The following RBM20 variants were observed in gnomAD, a reference collection of about 807,000 sequenced individuals.
RBM20 encodes RNA binding motif protein 20.
A neutral mutation model predicts 110.1 loss-of-function variants in RBM20; 51 were observed. That is an observed-to-expected ratio of 0.46 (90% CI 0.37 to 0.59). The LOEUF (loss-of-function observed/expected upper bound fraction) is 0.59, where lower values mean the gene tolerates loss of function less well. RBM20 is among the 20% of genes least tolerant of loss of function. The pLI is 0.00. For missense variants in RBM20, 1,512 were observed against 1,574.9 expected, an observed-to-expected ratio of 0.96 and a Z score of 0.68; for synonymous variants, 589 against 618.2, an observed-to-expected ratio of 0.95 and a Z score of 0.70.
intron 7 of RBM20, among the ~76,000 whole-genome samples, chr10:110,800,159 G>A (rs1026531324): frequency 1.3e-5 from 2 of 152,192 alleles, no homozygotes; most frequent in African/African-American, 4.8e-5. Flanking sequence ...AAGTTTTCCA[G>A]AAGAAGATGT....
In RBM20 at chr10:110,665,218, G is replaced by A. The variant is rs183887830; in HGVS notation, c.191+20573G>A. On this transcript the variant is annotated intron_variant, in intron 1 of 13. Transcript: ENST00000369519. ...GAATGCCGTCTAATAAATACAGAAG[G>A]AATGAATATTAGCATTTTGCAACCC... is the stretch of plus-strand genomic sequence containing the variant. Among the ~76,000 whole-genome samples, 5 of 152,268 alleles carry A rather than the reference G, an allele frequency of 3.3e-5. No homozygotes were observed. The East Asian group carries it at 9.6e-4, about 29-fold the overall frequency.
chr10:110,649,673 G>A (rs1861919178), intron 1 of RBM20, among the ~76,000 whole-genome samples: 1 of 152,174 alleles, frequency 6.6e-6, no homozygotes, highest in South Asian at 2.1e-4. Flanking sequence ...TATTTTAACA[G>A]GGAAAATTGC....
At chr10:110,797,055 C>T (rs934030845) in intron 5 of RBM20, among the ~76,000 whole-genome samples, 3 of 152,170 alleles carry the variant, frequency 2.0e-5, no homozygotes, top group African/African-American at 4.8e-5. Flanking sequence ...CAAAAGTTTA[C>T]AGATACTCAA....
At chr10:110,830,542 A>G (rs1319948568) in intron 12 of RBM20, among the ~76,000 whole-genome samples, 1 of 152,196 alleles carries the variant, frequency 6.6e-6, no homozygotes, top group African/African-American at 2.4e-5. Flanking sequence ...TATGTGGAAG[A>G]AAATATTTGG....
intron 1 of RBM20, among the ~76,000 whole-genome samples, chr10:110,723,616 T>C (rs921205229): frequency 3.9e-5 from 6 of 152,248 alleles, no homozygotes; most frequent in African/African-American, 1.4e-4. Flanking sequence ...TTTCAGCCAT[T>C]CTAGTGGATA....
intron 7 of RBM20, among the ~76,000 whole-genome samples, chr10:110,807,531 A>G (rs1844710141): frequency 1.3e-5 from 2 of 152,184 alleles, no homozygotes; most frequent in South Asian, 4.1e-4. Flanking sequence ...ACCAACGTGC[A>G]GAAGGGACCA....
chr10:110,828,222 T>C (rs924314359), intron 12 of RBM20, among the ~76,000 whole-genome samples: 1 of 152,078 alleles, frequency 6.6e-6, no homozygotes, highest in Non-Finnish European at 1.5e-5. Context: ...GGCTGAAAAA[T>C]GGAGGACTGA....
intron 5 of RBM20, among the ~76,000 whole-genome samples, chr10:110,791,726 C>A (rs552547958): frequency 3.9e-5 from 6 of 152,180 alleles, no homozygotes; most frequent in Non-Finnish European, 5.9e-5. Context: ...CCCAGGCCCC[C>A]GATCCCATGT....
intron 5 of RBM20, among the ~76,000 whole-genome samples, chr10:110,787,986 G>A (rs1030296294): frequency 6.6e-6 from 1 of 152,156 alleles, no homozygotes; most frequent in Non-Finnish European, 1.5e-5. Flanking sequence ...ACCCCATGAG[G>A]TGGATACTAT....
intron 1 of RBM20, among the ~76,000 whole-genome samples, chr10:110,727,790 T>C (rs1038766629): frequency 3.9e-5 from 6 of 152,186 alleles, no homozygotes; most frequent in African/African-American, 9.7e-5. Flanking sequence ...TCCTAATGCT[T>C]TCCCTCCCCT....
At chr10:110,795,186 C>T (rs1844533590) in intron 5 of RBM20, among the ~76,000 whole-genome samples, 1 of 152,244 alleles carries the variant, frequency 6.6e-6, no homozygotes, top group African/African-American at 2.4e-5. Context: ...CTTGAAAGCT[C>T]AGCTGTGTCT....
chr10:110,771,365 G>A (rs1180862904), intron 1 of RBM20, among the ~76,000 whole-genome samples: 1 of 152,150 alleles, frequency 6.6e-6, no homozygotes, highest in Non-Finnish European at 1.5e-5. Flanking sequence ...CTGACCTTAA[G>A]TGATCCGCCT....
chr10:110,644,270 C>T (rs964289265), upstream of RBM20: 5 of 432,810 alleles, frequency 1.2e-5, no homozygotes, highest in African/African-American at 1.0e-4. The surrounding 1 kb of genome is among the most constrained non-coding windows in gnomAD (Gnocchi z 4.3). Context: ...CCGGGACGAG[C>T]TGGAGCAGCG....
chr10:110,694,144 C>T (rs1311661782), intron 1 of RBM20, among the ~76,000 whole-genome samples: 1 of 152,084 alleles, frequency 6.6e-6, no homozygotes. Flanking sequence ...CATTTGCTGC[C>T]CTCTACCAAG....
chr10:110,692,260 T>C (rs1862596144), intron 1 of RBM20, among the ~76,000 whole-genome samples: 1 of 152,182 alleles, frequency 6.6e-6, no homozygotes, highest in Non-Finnish European at 1.5e-5. Context: ...ATTTGTCCCT[T>C]AAGATTCCAT....
At chr10:110,705,793 A>G (rs915533984) in intron 1 of RBM20, among the ~76,000 whole-genome samples, 5 of 152,202 alleles carry the variant, frequency 3.3e-5, no homozygotes. Context: ...TAGACTACTG[A>G]CGCTTGGCCG....
At chr10:110,700,977 T>G (rs1564819455) in intron 1 of RBM20, among the ~76,000 whole-genome samples, 1 of 152,124 alleles carries the variant, frequency 6.6e-6, no homozygotes, top group Non-Finnish European at 1.5e-5. Flanking sequence ...TTCATGCCAC[T>G]GCATTCCAGC....
intron 9 of RBM20, among the ~76,000 whole-genome samples, chr10:110,817,132 G>A (rs548356189): frequency 3.3e-4 from 51 of 152,322 alleles, no homozygotes; most frequent in Non-Finnish European, 6.6e-4. Flanking sequence ...GGTGACTAGG[G>A]AAGGGAAGCC....
chr10:110,649,987 CG>C (rs1861923640), intron 1 of RBM20, among the ~76,000 whole-genome samples: 1 of 152,136 alleles, frequency 6.6e-6, no homozygotes, highest in Admixed American at 6.5e-5. Flanking sequence ...AACACCACCA[CG>C]GGGGTATTGT....
Sources: allele counts gnomAD v4.1 joint callset (sites outside exome capture counted in the v4.1 genomes callset), GRCh38; gene constraint gnomAD v4.1.1; non-coding constraint Gnocchi (gnomAD v3.1); transcripts MANE v1.5; gene names NCBI Gene and HGNC (gene_info 2026-07-23, HGNC 2026-07-21).